Variants in GPM6A observed in about 807,000 individuals in gnomAD.
GPM6A encodes glycoprotein M6A.
A neutral mutation model predicts 32.1 loss-of-function variants in GPM6A; 7 were observed. The observed-to-expected ratio is 0.22, with a 90% confidence interval of 0.12 to 0.41. The LOEUF (loss-of-function observed/expected upper bound fraction) is 0.41, where lower values mean the gene tolerates loss of function less well. GPM6A is among the 10% of genes least tolerant of loss of function. The probability of loss-of-function intolerance (pLI) is 1.00; values close to 1 mark genes in which losing one functional copy is unlikely to be tolerated. For synonymous variants in GPM6A, 130 were observed against 123.4 expected, an observed-to-expected ratio of 1.05 and a Z score of -0.35; for missense variants, 235 against 347.2, an observed-to-expected ratio of 0.68 and a Z score of 2.57.
At chr4:175,739,513 A>C (rs1380931999) in intron 1 of GPM6A, among the ~76,000 whole-genome samples, 1 of 152,108 alleles carries the variant, frequency 6.6e-6, no homozygotes, top group Non-Finnish European at 1.5e-5. Context: ...TAATGATCAA[A>C]AATTAAGTGT....
chr4:175,673,808 C>T lies in GPM6A; in HGVS notation c.259G>A (p.Gly87Ser), dbSNP rs1455485008. 5 of 1,607,718 alleles carry T rather than the reference C, an allele frequency of 3.1e-6. No homozygotes were observed. Among genetic ancestry groups the T allele is most frequent in the East Asian group, 2.2e-5 (1 of 44,804 alleles). The change falls in exon 3 of 7, where the codon GGC becomes AGC. Residue 87 changes from glycine to serine, a missense_variant. Around this residue, in one of 3 missense-constraint regions of GPM6A, gnomAD observed 101 missense variants for 171.2 expected, o/e 0.59. Transcript: ENST00000393658. ...TACACAAAGAACGCAGCTGCGATGC[C>T]GTAGATCACATACTTAAAGATGTCA... ...MIDIFKYVIY[G>S]IAAAFFVYGI...
chr4:175,718,606 ACT>A (rs1188962662), intron 1 of GPM6A, among the ~76,000 whole-genome samples: 1 of 151,924 alleles, frequency 6.6e-6, no homozygotes, highest in Non-Finnish European at 1.5e-5. Flanking sequence ...ACAGACTAAG[ACT>A]CTGTCGAAAA....
rs146621222 is a variant in GPM6A at position 175,944,353 on chromosome 4, C to T, written c.-23+57956G>A. Among the ~76,000 whole-genome samples the T allele has an allele frequency of 2.3e-3, 346 of 152,162 alleles. 2 individuals carry two copies. The highest frequency in any genetic ancestry group is 5.2e-3 in the South Asian group (25 of 4,820). ...ATGATTAAACCAGTAACTATGGTAA[C>T]GAGAGCAGGAAAGCATGAGTGCAAA... On this transcript the variant is annotated intron_variant, in intron 1 of 7. Transcript: ENST00000280187.
rs116824025 is a variant in GPM6A at position 175,949,896 on chromosome 4, A to G, written c.-23+52413T>C. Among the ~76,000 whole-genome samples the G allele has an allele frequency of 3.8e-3, 585 of 152,338 alleles. 3 individuals are homozygous for G. Among genetic ancestry groups the G allele is most frequent in the African/African-American group, 0.014 (566 of 41,572 alleles). ...CAATTCATGAAACCAAATAGAAAATAAACACTGTAGCCTTATGAGTTCTCA... is the reference window on the plus strand; with the variant it reads ...CAATTCATGAAACCAAATAGAAAATGAACACTGTAGCCTTATGAGTTCTCA... On this transcript the variant is annotated intron_variant, in intron 1 of 7. Coordinates refer to the GPM6A transcript ENST00000280187.
intron 3 of GPM6A, among the ~76,000 whole-genome samples, chr4:175,660,858 C>T (rs1326788137): frequency 6.6e-6 from 1 of 152,186 alleles, no homozygotes; most frequent in African/African-American, 2.4e-5. Context: ...TATTTTCTCA[C>T]TTAGGTTGAC....
chr4:175,823,625 C>G (rs1477508457), intron 1 of GPM6A, among the ~76,000 whole-genome samples: 1 of 152,166 alleles, frequency 6.6e-6, no homozygotes, highest in Non-Finnish European at 1.5e-5. Context: ...AAGCTGATTA[C>G]ACTATATGGT....
At chr4:175,776,575 G>C (rs1031468158) in intron 1 of GPM6A, among the ~76,000 whole-genome samples, 1 of 152,102 alleles carries the variant, frequency 6.6e-6, no homozygotes, top group South Asian at 2.1e-4. Flanking sequence ...GCATGACAAG[G>C]GTTAGCAACA....
At chr4:175,843,989 C>T (rs1736015955) in intron 1 of GPM6A, among the ~76,000 whole-genome samples, 1 of 152,106 alleles carries the variant, frequency 6.6e-6, no homozygotes, top group Non-Finnish European at 1.5e-5. Flanking sequence ...TTCCTCATCC[C>T]CCACCTTTGA....
At chr4:175,989,710 A>T (rs1194700552) in intron 1 of GPM6A, among the ~76,000 whole-genome samples, 2 of 152,146 alleles carry the variant, frequency 1.3e-5, no homozygotes, top group African/African-American at 4.8e-5. Flanking sequence ...AATATGTTAA[A>T]TTATTTCCTT....
intron 1 of GPM6A, chr4:175,808,840 T>C (rs1277196629): frequency 6.6e-6 from 1 of 152,252 alleles, no homozygotes; most frequent in Admixed American, 6.5e-5. Flanking sequence ...GAGACCTGTT[T>C]CATAAAATGT....
At chr4:175,813,297 T>C (rs575050528), upstream of GPM6A, among the ~76,000 whole-genome samples, 5 of 152,312 alleles carry the variant, frequency 3.3e-5, no homozygotes, top group East Asian at 9.7e-4. Context: ...ATCTGCAAGC[T>C]GATTTGGAAT....
chr4:175,787,733 A>G (rs1382500202), intron 1 of GPM6A: 1 of 415,006 alleles, frequency 2.4e-6, no homozygotes, highest in Non-Finnish European at 3.4e-6. Context: ...TGAAACAAGA[A>G]TATTCACAAG....
chr4:175,861,104 A>G (rs1442836692), intron 1 of GPM6A, among the ~76,000 whole-genome samples: 1 of 152,150 alleles, frequency 6.6e-6, no homozygotes, highest in Non-Finnish European at 1.5e-5. Flanking sequence ...ATGCATATAT[A>G]AAACAGGAAT....
intron 1 of GPM6A, among the ~76,000 whole-genome samples, chr4:175,720,197 C>T (rs548781967): frequency 6.6e-6 from 1 of 152,262 alleles, no homozygotes; most frequent in South Asian, 2.1e-4. Flanking sequence ...GGACTATGAA[C>T]ATATGATAAC....
chr4:175,772,859 A>G (rs941273009), intron 1 of GPM6A, among the ~76,000 whole-genome samples: 1 of 152,192 alleles, frequency 6.6e-6, no homozygotes, highest in Non-Finnish European at 1.5e-5. Flanking sequence ...TTAGAAATCA[A>G]ATGGAAGCAG....
chr4:175,799,738 A>G lies in GPM6A; in HGVS notation c.37+12453T>C, dbSNP rs548846834. ...GCCGGACTGCGGACTGCAGTGGCGC[A>G]ATCTCGGCTCACTGCAAGCTCCGCC... On this transcript the variant is annotated intron_variant, in intron 1 of 6. Coordinates refer to ENST00000393658, the MANE Select transcript of GPM6A (RefSeq NM_201591.3). Among the ~76,000 whole-genome samples the G allele has an allele frequency of 1.6e-3, 200 of 125,000 alleles. 2 individuals carry two copies. The highest frequency in any genetic ancestry group is 4.9e-3 in the African/African-American group (175 of 35,874). 82.0% of individuals were successfully genotyped at this position (125,000 alleles called of 152,430 possible).
intron 1 of GPM6A, among the ~76,000 whole-genome samples, chr4:175,857,923 G>C (rs1183240459): frequency 6.6e-6 from 1 of 151,876 alleles, no homozygotes; most frequent in African/African-American, 2.4e-5. Context: ...ATGCCAATTA[G>C]AAATAATTAG....
intron 1 of GPM6A, among the ~76,000 whole-genome samples, chr4:175,739,205 T>A (rs929767414): frequency 6.6e-6 from 1 of 152,184 alleles, no homozygotes; most frequent in Non-Finnish European, 1.5e-5. Context: ...AAAATTGGTA[T>A]GTTTGTTATT....
At chr4:175,710,720 C>G (rs535044834) in intron 1 of GPM6A, among the ~76,000 whole-genome samples, 3 of 152,194 alleles carry the variant, frequency 2.0e-5, no homozygotes, top group Non-Finnish European at 4.4e-5. Flanking sequence ...TCCCCCTCAA[C>G]TCACTCAAGG....
Sources: allele counts gnomAD v4.1 joint callset (sites outside exome capture counted in the v4.1 genomes callset), GRCh38; gene constraint gnomAD v4.1.1; regional missense constraint gnomAD v4.1.1; transcripts MANE v1.5; gene names NCBI Gene and HGNC (gene_info 2026-07-23, HGNC 2026-07-21).